KHDRBS3: variants seen among roughly 807,000 people sequenced by gnomAD.
The protein encoded by KHDRBS3 is KH RNA binding domain containing, signal transduction associated 3.
KHDRBS3 carries 23 observed loss-of-function variants against 45.6 expected under a neutral mutation model. That is an observed-to-expected ratio of 0.50 (90% CI 0.36 to 0.72). The LOEUF is 0.72. KHDRBS3 is among the 30% of genes least tolerant of loss of function. KHDRBS3 has a pLI of 0.00. For missense variants in KHDRBS3, 352 were observed against 424.8 expected, an observed-to-expected ratio of 0.83 and a Z score of 1.51; for synonymous variants, 162 against 156.5, an observed-to-expected ratio of 1.04 and a Z score of -0.26.
chr8:135,552,393 T>C (rs983697349), intron 4 of KHDRBS3, among the ~76,000 whole-genome samples: 1 of 152,188 alleles, frequency 6.6e-6, no homozygotes, highest in African/African-American at 2.4e-5. Context: ...ATAGCTGTTA[T>C]TGAACTCCTC....
chr8:135,647,263 CAT>C lies in KHDRBS3; in HGVS notation c.*180_*181del, dbSNP rs1831332530. On this transcript the variant is annotated 3_prime_UTR_variant, in exon 9 of 9. Transcript: ENST00000355849. ...CTGGGCAGAAAAAAAAAAAAAAAGA[CAT>C]GTAAAATTTTGTTATTTCCAGTCTG... 3 of 326,794 alleles carry C rather than the reference CAT, an allele frequency of 9.2e-6. No homozygotes were observed. Among genetic ancestry groups the C allele is most frequent in the South Asian group, 1.1e-4 (1 of 9,004 alleles). The allele number at this position is 326,794 out of a possible 1,614,324, so 20.2% of individuals were successfully genotyped here. A position where few individuals can be genotyped will look rare whatever the true frequency, so the allele number is the denominator to read the frequency against.
At chr8:135,511,221 A>G (rs1055949230) in intron 1 of KHDRBS3, among the ~76,000 whole-genome samples, 5 of 152,224 alleles carry the variant, frequency 3.3e-5, no homozygotes, top group African/African-American at 7.2e-5. Flanking sequence ...CTGGATGTCT[A>G]TAAATAGTCA....
intron 1 of KHDRBS3, among the ~76,000 whole-genome samples, chr8:135,462,918 G>C (rs367570887): frequency 5.3e-4 from 81 of 152,256 alleles, no homozygotes; most frequent in African/African-American, 1.9e-3. Flanking sequence ...CAAAACCCTG[G>C]CTTTTTTATG....
chr8:135,501,003 A>G (rs905209748), intron 1 of KHDRBS3, among the ~76,000 whole-genome samples: 1 of 152,180 alleles, frequency 6.6e-6, no homozygotes, highest in Non-Finnish European at 1.5e-5. Context: ...TACTTGTTCT[A>G]CTTAACTTGA....
intron 1 of KHDRBS3, among the ~76,000 whole-genome samples, chr8:135,469,802 C>T (rs534904539): frequency 1.2e-3 from 182 of 152,304 alleles, no homozygotes; most frequent in African/African-American, 3.7e-3. Context: ...GCTGGGATTA[C>T]AGGCGTGAGC....
chr8:135,641,932 T>C (rs565511594), intron 7 of KHDRBS3, among the ~76,000 whole-genome samples: 3 of 152,366 alleles, frequency 2.0e-5, no homozygotes, highest in East Asian at 1.9e-4. Flanking sequence ...TTTTTGAATA[T>C]GAAAATTGAT....
intron 1 of KHDRBS3, among the ~76,000 whole-genome samples, chr8:135,500,146 C>T (rs1275652801): frequency 6.6e-6 from 1 of 152,046 alleles, no homozygotes; most frequent in Admixed American, 6.5e-5. Flanking sequence ...AGACTTAGCC[C>T]CCAAAACATG....
At chr8:135,526,529 T>C (rs1825197137) in intron 2 of KHDRBS3, among the ~76,000 whole-genome samples, 1 of 152,294 alleles carries the variant, frequency 6.6e-6, no homozygotes, top group African/African-American at 2.4e-5. Flanking sequence ...AATATAGCAC[T>C]GCAATCAGTC....
chr8:135,510,769 G>A (rs1359463666), intron 1 of KHDRBS3, among the ~76,000 whole-genome samples: 1 of 152,076 alleles, frequency 6.6e-6, no homozygotes, highest in East Asian at 1.9e-4. Context: ...CTAGTTCCAG[G>A]TTAGTTGGTG....
intron 4 of KHDRBS3, among the ~76,000 whole-genome samples, chr8:135,555,315 G>A (rs1360585811): frequency 6.6e-6 from 1 of 151,962 alleles, no homozygotes; most frequent in East Asian, 1.9e-4. Context: ...GCCCAGGAAG[G>A]CTTTGAATGT....
chr8:135,634,432 G>C (rs1830726940), intron 7 of KHDRBS3, among the ~76,000 whole-genome samples: 1 of 152,136 alleles, frequency 6.6e-6, no homozygotes, highest in South Asian at 2.1e-4. Flanking sequence ...CTTAGAGGGG[G>C]ATTCTCTGAT....
chr8:135,621,982 G>A (rs1315812679), intron 7 of KHDRBS3, among the ~76,000 whole-genome samples: 1 of 152,008 alleles, frequency 6.6e-6, no homozygotes, highest in African/African-American at 2.4e-5. Flanking sequence ...TGCTTGTGGA[G>A]CACCCGGAGC....
At chr8:135,520,695 G>A (rs1231955657) in intron 1 of KHDRBS3, among the ~76,000 whole-genome samples, 1 of 152,194 alleles carries the variant, frequency 6.6e-6, no homozygotes, top group Non-Finnish European at 1.5e-5. Flanking sequence ...ATAACAAGTA[G>A]AGCGAAGAGC....
chr8:135,461,493 G>A (rs1246482727), intron 1 of KHDRBS3, among the ~76,000 whole-genome samples: 1 of 152,158 alleles, frequency 6.6e-6, no homozygotes, highest in Non-Finnish European at 1.5e-5. Flanking sequence ...ATCCCACTCC[G>A]GACCCCGCCT....
At chr8:135,464,880 AT>A (rs1180725982) in intron 1 of KHDRBS3, among the ~76,000 whole-genome samples, 5 of 152,186 alleles carry the variant, frequency 3.3e-5, no homozygotes, top group African/African-American at 1.2e-4. Flanking sequence ...CTATGACACT[AT>A]GTAGGGCACC....
intron 6 of KHDRBS3, among the ~76,000 whole-genome samples, chr8:135,603,709 A>G (rs1440962925): frequency 1.3e-5 from 2 of 152,164 alleles, no homozygotes; most frequent in East Asian, 1.9e-4. Flanking sequence ...TCTTACTCCT[A>G]CAAAGACAGC....
intron 1 of KHDRBS3, among the ~76,000 whole-genome samples, chr8:135,505,678 G>A (rs978825998): frequency 2.0e-5 from 3 of 152,072 alleles, no homozygotes; most frequent in African/African-American, 7.2e-5. Context: ...GGCTGGAGGA[G>A]CAAAAGAAGT....
At chr8:135,556,155 T>C (rs1322675601) in intron 4 of KHDRBS3, among the ~76,000 whole-genome samples, 2 of 152,216 alleles carry the variant, frequency 1.3e-5, no homozygotes, top group Non-Finnish European at 2.9e-5. Flanking sequence ...TTTGGGTTGG[T>C]TCCAAGTCTT....
At chr8:135,583,226 T>G (rs1349233842) in intron 6 of KHDRBS3, among the ~76,000 whole-genome samples, 1 of 152,236 alleles carries the variant, frequency 6.6e-6, no homozygotes, top group Non-Finnish European at 1.5e-5. Context: ...TTTTATCTCT[T>G]TATACTTGGG....
Sources: gnomAD v4.1 joint callset for allele counts (sites outside exome capture counted in the v4.1 genomes callset) on GRCh38, gnomAD v4.1.1 for gene constraint, MANE v1.5 for transcripts, NCBI Gene and HGNC (gene_info 2026-07-23, HGNC 2026-07-21) for gene names.